The following CSMD1 variants were observed in gnomAD, a reference collection of about 807,000 sequenced individuals.
The protein encoded by CSMD1 is CUB and Sushi multiple domains 1.
Under a neutral mutation model 417.5 loss-of-function variants are expected in CSMD1, and 213 were observed. The ratio of observed to expected loss-of-function variants is 0.51; its 90% CI spans 0.46 to 0.57. The LOEUF is 0.57. Ranked by LOEUF, CSMD1 falls within the 20% of genes least tolerant of loss-of-function variation. The pLI is 0.00. For missense variants in CSMD1, 6,923 were observed against 4,529.7 expected (o/e 1.53, Z -15.17); for synonymous variants, 2,862 against 1,736.8 (o/e 1.65, Z -16.11).
chr8:4,633,702 G>A, intron 2 of CSMD1, among the ~76,000 whole-genome samples: 1 of 152,064 alleles, frequency 6.6e-6, no homozygotes, highest in Non-Finnish European at 1.5e-5. Flanking sequence ...ACTTACAGAT[G>A]CCTGCCACCA....
At chr8:3,145,117 T>C (rs1044348849) in intron 40 of CSMD1, among the ~76,000 whole-genome samples, 5 of 152,094 alleles carry the variant, frequency 3.3e-5, no homozygotes, top group African/African-American at 7.2e-5. Flanking sequence ...CTTATGAACA[T>C]TGAATCCATG....
At chr8:4,887,329 A>G (rs1198369169) in intron 1 of CSMD1, among the ~76,000 whole-genome samples, 5 of 152,064 alleles carry the variant, frequency 3.3e-5, no homozygotes, top group Admixed American at 3.3e-4. Context: ...GTTAAAGAAC[A>G]TATTTTGTAG....
intron 7 of CSMD1, among the ~76,000 whole-genome samples, chr8:3,678,431 G>T (rs751003743): frequency 2.0e-5 from 3 of 152,128 alleles, no homozygotes; most frequent in Non-Finnish European, 4.4e-5. Flanking sequence ...GGAAGAAAGG[G>T]TATCAGTGAC....
At chr8:4,095,514 T>G (rs937501905) in intron 3 of CSMD1, among the ~76,000 whole-genome samples, 2 of 152,210 alleles carry the variant, frequency 1.3e-5, no homozygotes, top group Non-Finnish European at 2.9e-5. Flanking sequence ...GGAAAGAATG[T>G]CCCCACTAGT....
intron 30 of CSMD1, among the ~76,000 whole-genome samples, chr8:3,210,116 A>G (rs1317374727): frequency 6.6e-6 from 1 of 152,220 alleles, no homozygotes; most frequent in Non-Finnish European, 1.5e-5. Flanking sequence ...AAAGATTTAC[A>G]GTGGAGCAAA....
chr8:3,230,047 T>A lies in CSMD1; in HGVS notation c.4338A>T (p.Thr1446=), dbSNP rs113486848. The part of the protein sequence containing the change: ...NRFFWQPDPP[T]CIAACGGNLT... ...AGTTCTGTTGTCTGATACCTATGCA[T>A]GTAGGAGGGTCTGGTTGCCAAAAGA... is the stretch of plus-strand genomic sequence containing the variant. Residue 1446 remains threonine (T), a synonymous_variant, in exon 27 of 70, where the codon ACA becomes ACT. Coordinates refer to ENST00000635120, the MANE Select transcript of CSMD1 (RefSeq NM_033225.6). The A allele has an allele frequency of 6.6e-5, 106 of 1,601,852 alleles. No individual in the cohort carries two copies. In the African/African-American group the frequency reaches 1.4e-3, roughly 21 times the overall value.
At chr8:4,632,683 C>A (rs762575536) in intron 2 of CSMD1, among the ~76,000 whole-genome samples, 2 of 152,106 alleles carry the variant, frequency 1.3e-5, no homozygotes, top group Non-Finnish European at 2.9e-5. Flanking sequence ...GGTGTGAGTT[C>A]AAAGGAGTAC....
intron 3 of CSMD1, among the ~76,000 whole-genome samples, chr8:4,316,177 C>G (rs1186851667): frequency 6.6e-6 from 1 of 152,134 alleles, no homozygotes; most frequent in Non-Finnish European, 1.5e-5. Flanking sequence ...TGTAGATTAG[C>G]TAAATTTCAA....
chr8:4,311,770 G>C (rs949251522), intron 3 of CSMD1, among the ~76,000 whole-genome samples: 5 of 150,628 alleles, frequency 3.3e-5, no homozygotes, highest in African/African-American at 9.8e-5. Flanking sequence ...AGTTCATAGA[G>C]GGGAACACAT....
chr8:4,140,719 A>C (rs994248203), intron 3 of CSMD1, among the ~76,000 whole-genome samples: 1 of 150,786 alleles, frequency 6.6e-6, no homozygotes, highest in Non-Finnish European at 1.5e-5. Context: ...TGTTCTGGAC[A>C]ATCTGTAAGT....
intron 7 of CSMD1, among the ~76,000 whole-genome samples, chr8:3,649,929 A>C (rs1364874140): frequency 6.8e-6 from 1 of 146,118 alleles, no homozygotes; most frequent in African/African-American, 2.5e-5. Flanking sequence ...ATGTAACTTA[A>C]AATTACATAT....
chr8:4,267,450 A>C lies in CSMD1; in HGVS notation c.415+152503T>G, dbSNP rs113590622. Among the ~76,000 whole-genome samples the C allele has an allele frequency of 4.4e-5, 2 of 44,974 alleles. 1 individual carries two copies. 29.5% of individuals were successfully genotyped at this position (44,974 alleles called of 152,430 possible). On this transcript the variant is annotated intron_variant, in intron 3 of 69. Transcript: ENST00000635120. Reference sequence around the variant, plus strand: ...TCTACAGCAGAGTAAAAATAGTTTAAATAATATATAATGAATATAAATGAA... The same window carrying C: ...TCTACAGCAGAGTAAAAATAGTTTACATAATATATAATGAATATAAATGAA...
At chr8:4,026,056 T>A in intron 4 of CSMD1, among the ~76,000 whole-genome samples, 1 of 151,292 alleles carries the variant, frequency 6.6e-6, no homozygotes, top group South Asian at 2.1e-4. Context: ...AATAAATAAG[T>A]ATTAATAGAA....
At chr8:4,774,167 A>G (rs1042181995) in intron 1 of CSMD1, among the ~76,000 whole-genome samples, 1 of 152,186 alleles carries the variant, frequency 6.6e-6, no homozygotes, top group Non-Finnish European at 1.5e-5. Flanking sequence ...GCCACTGCCT[A>G]CCAGCCTGGG....
At chr8:3,305,187 T>C (rs1161328867) in intron 25 of CSMD1, among the ~76,000 whole-genome samples, 2 of 152,178 alleles carry the variant, frequency 1.3e-5, no homozygotes, top group African/African-American at 4.8e-5. Flanking sequence ...GCCTGGCCTA[T>C]TTATTTCCAT....
At chr8:4,664,862 T>A (rs1804816636) in intron 1 of CSMD1, among the ~76,000 whole-genome samples, 1 of 152,180 alleles carries the variant, frequency 6.6e-6, no homozygotes, top group South Asian at 2.1e-4. Flanking sequence ...CCAAACTTTA[T>A]AAAACACAAT....
chr8:3,013,809 C>T lies in CSMD1; in HGVS notation c.8029+4668G>A, dbSNP rs1425502815. 2.0e-5 allele frequency among the ~76,000 whole-genome samples: 3 copies of T among 151,890 alleles called. No individual in the cohort carries two copies. The South Asian group carries it at 6.3e-4, about 32-fold the overall frequency. ...ATCATAGGTACCAGATCCATCACCA[C>T]AAATGCATAGCAATTCCTCAAGAGC... On this transcript the variant is annotated intron_variant, in intron 52 of 69. Transcript: ENST00000635120.
intron 3 of CSMD1, among the ~76,000 whole-genome samples, chr8:4,082,876 G>C (rs900021498): frequency 1.3e-5 from 2 of 148,822 alleles, no homozygotes; most frequent in Non-Finnish European, 3.0e-5. Context: ...TTGGTTTTTT[G>C]TCCTTGTGAT....
Position 4,354,344 on chromosome 8 carries a change from G to A in CSMD1, c.415+65609C>T, listed in dbSNP as rs905032227. Among the ~76,000 whole-genome samples the A allele has an allele frequency of 6.6e-5, 10 of 152,154 alleles. No homozygotes were observed. The East Asian group carries it at 1.9e-3, about 29-fold the overall frequency. Reference sequence around the variant, plus strand: ...CAACTGTATAATCTCTTTTGAGGTTGGGAAACCATTCTAATATTCACAAAC... The same window carrying A: ...CAACTGTATAATCTCTTTTGAGGTTAGGAAACCATTCTAATATTCACAAAC... On this transcript the variant is annotated intron_variant, in intron 3 of 69. Transcript: ENST00000635120.
Sources: gnomAD v4.1 joint callset for allele counts (sites outside exome capture counted in the v4.1 genomes callset) on GRCh38, gnomAD v4.1.1 for gene constraint, MANE v1.5 for transcripts, NCBI Gene and HGNC (gene_info 2026-07-23, HGNC 2026-07-21) for gene names.